The following KLF12 variants were observed in gnomAD, a reference collection of about 807,000 sequenced individuals.
KLF12 encodes KLF transcription factor 12.
Under a neutral mutation model 37.8 loss-of-function variants are expected in KLF12, and 9 were observed. The observed-to-expected ratio is 0.24, with a 90% CI of 0.14 to 0.42. The LOEUF (loss-of-function observed/expected upper bound fraction) is 0.42, where lower values mean the gene tolerates loss of function less well. Among genes scored for constraint, KLF12 ranks in the 10% least tolerant of loss-of-function variants. KLF12 has a pLI of 1.00. For synonymous variants in KLF12, 208 were observed against 202.1 expected (o/e 1.03, Z -0.25); for missense variants, 411 against 516.0 (o/e 0.80, Z 1.97).
Position 73,846,202 on chromosome 13 carries a change from A to C in KLF12, c.295T>G (p.Ser99Ala), listed in dbSNP as rs780342553. The C allele has an allele frequency of 1.9e-6, 3 of 1,614,006 alleles. No individual in the cohort carries two copies. The highest frequency in any genetic ancestry group is 2.5e-6 in the Non-Finnish European group (3 of 1,180,018). The change falls in exon 4 of 8, where the codon TCC becomes GCC. Residue 99 changes from serine to alanine, a missense_variant. Physicochemically the swap from Ser to Ala is moderately conservative, Grantham distance 99 (BLOSUM62 1). Transcript: ENST00000377669. Reference sequence around the variant, plus strand: ...GCAGATGCTGTCATGGAAACTGGGGAGGATGAAACGGCAGTAGGGGACGTC... The same window carrying C: ...GCAGATGCTGTCATGGAAACTGGGGCGGATGAAACGGCAGTAGGGGACGTC...
At chr13:73,978,684 T>G (rs1426329907) in intron 2 of KLF12, among the ~76,000 whole-genome samples, 1 of 152,128 alleles carries the variant, frequency 6.6e-6, no homozygotes, top group African/African-American at 2.4e-5. Flanking sequence ...CCAAATGAGT[T>G]GAAAACTTAT....
intron 6 of KLF12, among the ~76,000 whole-genome samples, chr13:73,721,924 A>C (rs1401241321): frequency 6.6e-6 from 1 of 152,136 alleles, no homozygotes; most frequent in African/African-American, 2.4e-5. Context: ...TGAGTTTGGC[A>C]GTGGTATATG....
chr13:74,070,797 C>T (rs1874187184), intron 1 of KLF12, among the ~76,000 whole-genome samples: 1 of 151,998 alleles, frequency 6.6e-6, no homozygotes, highest in African/African-American at 2.4e-5. Flanking sequence ...CCTTCTGAGA[C>T]TCTGGGGTTG....
At chr13:73,735,085 C>T (rs1877351125) in intron 6 of KLF12, among the ~76,000 whole-genome samples, 1 of 139,008 alleles carries the variant, frequency 7.2e-6, no homozygotes, top group Admixed American at 7.6e-5. Flanking sequence ...CCTAGTAGTT[C>T]AAGACCAGCC....
the KLF12 span, among the ~76,000 whole-genome samples, chr13:74,226,094 G>T: frequency 1.1e-4 from 17 of 151,990 alleles, no homozygotes; most frequent in African/African-American, 4.1e-4. Context: ...GATAAATGGT[G>T]GAAATAGCTT....
the KLF12 span, among the ~76,000 whole-genome samples, chr13:74,157,430 C>T: frequency 6.6e-6 from 1 of 152,264 alleles, no homozygotes; most frequent in South Asian, 2.1e-4. Flanking sequence ...ATAGGAAAAT[C>T]ATTGCTGTAT....
intron 6 of KLF12, among the ~76,000 whole-genome samples, chr13:73,738,311 AT>A (rs71115612): frequency 0.78 from 110,497 of 141,932 alleles, 44,530 homozygotes; most frequent in South Asian, 0.88. Context: ...CGCCTGGCTA[AT>A]TTTTTTTTTT....
intron 5 of KLF12, among the ~76,000 whole-genome samples, chr13:73,790,537 C>T (rs1171469718): frequency 2.6e-5 from 4 of 152,120 alleles, no homozygotes; most frequent in African/African-American, 7.2e-5. Flanking sequence ...GCAATGAAAA[C>T]CCAATACTTT....
At chr13:74,250,253 T>A in the KLF12 span, among the ~76,000 whole-genome samples, 1 of 152,200 alleles carries the variant, frequency 6.6e-6, no homozygotes, top group Non-Finnish European at 1.5e-5. Flanking sequence ...CACAGAGAGC[T>A]ATGTGCTTGA....
the KLF12 span, among the ~76,000 whole-genome samples, chr13:74,287,591 A>C: frequency 6.6e-6 from 1 of 152,202 alleles, no homozygotes; most frequent in African/African-American, 2.4e-5. Flanking sequence ...GAACTTCAGT[A>C]TGTTAGATTT....
chr13:73,876,640 T>C (rs1056380302), intron 3 of KLF12, among the ~76,000 whole-genome samples: 1 of 152,108 alleles, frequency 6.6e-6, no homozygotes, highest in Non-Finnish European at 1.5e-5. Context: ...TTTTACCTTA[T>C]TCCTTTTCTT....
At chr13:73,976,325 C>T (rs1437085451) in intron 2 of KLF12, among the ~76,000 whole-genome samples, 1 of 152,114 alleles carries the variant, frequency 6.6e-6, no homozygotes, top group Non-Finnish European at 1.5e-5. Context: ...TGGAGCACCT[C>T]GAAGTTGACA....
rs41286094 is a variant in KLF12 at position 73,690,323 on chromosome 13, C to G, written c.*5167G>C. 8,873 of 152,620 alleles carry G rather than the reference C, an allele frequency of 0.058. 334 individuals are homozygous for G. The highest frequency in any genetic ancestry group is 0.11 in the African/African-American group (4,587 of 41,534). 9.5% of individuals were successfully genotyped at this position (152,620 alleles called of 1,614,324 possible). A position where few individuals can be genotyped will look rare whatever the true frequency, so the allele number is the denominator to read the frequency against. ...AGATTCCTTTAACACGTGGCCATAT[C>G]CACAGCACTTAATCTTGTCAACATG... On this transcript the variant is annotated 3_prime_UTR_variant, in exon 8 of 8. Coordinates refer to ENST00000377669, the MANE Select transcript of KLF12 (RefSeq NM_007249.5).
intron 1 of KLF12, among the ~76,000 whole-genome samples, chr13:74,088,088 T>C (rs1875423319): frequency 6.6e-6 from 1 of 152,130 alleles, no homozygotes. Context: ...CTTGCTCTCT[T>C]TCAGCATCAT....
chr13:74,214,215 C>T, the KLF12 span, among the ~76,000 whole-genome samples: 1 of 152,120 alleles, frequency 6.6e-6, no homozygotes, highest in East Asian at 1.9e-4. Flanking sequence ...CATGATCAAA[C>T]AAAACTGATG....
At chr13:74,015,127 CA>C (rs1892654326) in intron 1 of KLF12, among the ~76,000 whole-genome samples, 2 of 152,066 alleles carry the variant, frequency 1.3e-5, no homozygotes, top group Non-Finnish European at 2.9e-5. Context: ...AATTGTAAAA[CA>C]ATGCTAGAAA....
intron 1 of KLF12, among the ~76,000 whole-genome samples, chr13:73,999,633 T>C (rs1892217845): frequency 1.3e-5 from 2 of 151,412 alleles, no homozygotes; most frequent in Admixed American, 1.3e-4. Flanking sequence ...CCAGCTACTC[T>C]GGAGGCTGAG....
chr13:74,169,506 G>A, the KLF12 span, among the ~76,000 whole-genome samples: 3 of 152,170 alleles, frequency 2.0e-5, no homozygotes, highest in African/African-American at 7.2e-5. Flanking sequence ...GAGCAATTGT[G>A]ATGATTAAAT....
At chr13:73,797,429 C>A (rs1882039709) in intron 5 of KLF12, among the ~76,000 whole-genome samples, 1 of 152,168 alleles carries the variant, frequency 6.6e-6, no homozygotes, top group African/African-American at 2.4e-5. Context: ...AAATACAAAT[C>A]ATAAATCTTT....
Sources: gnomAD v4.1 joint callset for allele counts (sites outside exome capture counted in the v4.1 genomes callset) on GRCh38, gnomAD v4.1.1 for gene constraint, MANE v1.5 for transcripts, NCBI Gene and HGNC (gene_info 2026-07-23, HGNC 2026-07-21) for gene names.